Variants in ARMH3 observed in about 807,000 individuals in gnomAD.
ARMH3 encodes armadillo like helical domain containing 3.
Under a neutral mutation model 99.1 loss-of-function variants are expected in ARMH3, and 60 were observed. The observed-to-expected ratio is 0.61, with a 90% CI of 0.49 to 0.75. The LOEUF (loss-of-function observed/expected upper bound fraction) is 0.75, where lower values mean the gene tolerates loss of function less well. ARMH3 is among the 30% of genes least tolerant of loss of function. ARMH3 has a pLI of 0.00. For synonymous variants in ARMH3, 285 were observed against 292.8 expected (o/e 0.97, Z 0.27); for missense variants, 679 against 843.1 (o/e 0.81, Z 2.41).
At chr10:101,853,786 C>CAA (rs1280519481) in intron 24 of ARMH3, among the ~76,000 whole-genome samples, 2 of 152,170 alleles carry the variant, frequency 1.3e-5, no homozygotes, top group Non-Finnish European at 2.9e-5. Context: ...CCTTAGGAGA[C>CAA]AGACACTTGG....
At chr10:101,906,654 T>G (rs142932471) in intron 23 of ARMH3, among the ~76,000 whole-genome samples, 1 of 152,338 alleles carries the variant, frequency 6.6e-6, no homozygotes, top group African/African-American at 2.4e-5. Context: ...AAACAGATGA[T>G]GACACCATTA....
At chr10:102,032,975 C>G (rs1334643855) in intron 4 of ARMH3, 51 bp downstream of exon 4, 1 of 1,597,272 alleles carries the variant, frequency 6.3e-7, no homozygotes, top group African/African-American at 1.3e-5. Context: ...AGATGTGTTA[C>G]AATTCCTTTC....
At chr10:102,023,840 A>G (rs2066941751) in intron 6 of ARMH3, 91 bp from the exon 7 acceptor site, 3 of 1,201,408 alleles carry the variant, frequency 2.5e-6, no homozygotes, top group Admixed American at 3.9e-5. Flanking sequence ...AGAAACAAAA[A>G]TATTAAAATA....
At chr10:101,877,586 G>C (rs931965351) in intron 24 of ARMH3, among the ~76,000 whole-genome samples, 1 of 152,022 alleles carries the variant, frequency 6.6e-6, no homozygotes, top group African/African-American at 2.4e-5. Flanking sequence ...AACCCGGGAG[G>C]TGGAGGTTGC....
intron 24 of ARMH3, among the ~76,000 whole-genome samples, chr10:101,852,782 G>GA (rs1564689314): frequency 6.6e-6 from 1 of 150,778 alleles, no homozygotes; most frequent in Admixed American, 6.6e-5. Flanking sequence ...AAAAAGAAAA[G>GA]AAAAAAATCC....
At chr10:102,022,328 A>G (rs980374872) in intron 8 of ARMH3, among the ~76,000 whole-genome samples, 4 of 150,884 alleles carry the variant, frequency 2.7e-5, no homozygotes, top group Non-Finnish European at 5.9e-5. Context: ...AAAAACAACT[A>G]AAAAATACAA....
intron 22 of ARMH3, 87 bp from the exon 23 acceptor site, chr10:101,940,025 T>C (rs2135715867): frequency 3.9e-6 from 4 of 1,029,174 alleles, no homozygotes; most frequent in Non-Finnish European, 5.8e-6. Context: ...AGAATAGCAC[T>C]CTCAGAATAA....
chr10:102,033,217 C>T (rs1194072470), intron 3 of ARMH3, 45 bp from the exon 4 acceptor site: 17 of 1,613,270 alleles, frequency 1.1e-5, no homozygotes, highest in Admixed American at 6.7e-5. Flanking sequence ...TTTAGCTTAG[C>T]GCCTAGAATA....
At chr10:102,019,292 A>G (rs962211805) in intron 8 of ARMH3, among the ~76,000 whole-genome samples, 1 of 151,646 alleles carries the variant, frequency 6.6e-6, no homozygotes, top group African/African-American at 2.4e-5. Flanking sequence ...CATGTGATCC[A>G]CCCACCTCAG....
At chr10:102,025,833 A>T (rs1487593702) in intron 5 of ARMH3, among the ~76,000 whole-genome samples, 3 of 151,840 alleles carry the variant, frequency 2.0e-5, no homozygotes, top group Non-Finnish European at 1.5e-5. Context: ...CTTTTTCTTT[A>T]TAGAGACAAG....
chr10:102,021,614 C>G (rs2136157688), intron 8 of ARMH3, among the ~76,000 whole-genome samples: 1 of 151,422 alleles, frequency 6.6e-6, no homozygotes, highest in African/African-American at 2.4e-5. Context: ...GTGGTGCAAT[C>G]TCCACTCACT....
chr10:101,939,322 G>A (rs6584463), intron 23 of ARMH3, among the ~76,000 whole-genome samples: 30,390 of 152,100 alleles, frequency 0.2, 3,499 homozygotes, highest in East Asian at 0.56. Context: ...CTGTGCATGG[G>A]TGGTGCCTCC....
At chr10:101,920,781 G>C (rs958046889) in intron 23 of ARMH3, among the ~76,000 whole-genome samples, 4 of 152,136 alleles carry the variant, frequency 2.6e-5, no homozygotes, top group African/African-American at 9.7e-5. Context: ...ACAAAATGTG[G>C]TATATACATA....
In ARMH3 at chr10:101,903,547, G is replaced by A. The variant is rs115345866; in HGVS notation, c.1782-14057C>T. 2.1e-3 allele frequency among the ~76,000 whole-genome samples: 315 copies of A among 152,312 alleles called. 4 individuals are homozygous for A. The highest frequency in any genetic ancestry group is 7.2e-3 in the African/African-American group (300 of 41,566). Reference sequence around the variant, plus strand: ...TAGAAAGGACATTCTGAAGGACAGGGTGCTTGAGCAGAGTCTCAAAATATG... The same window carrying A: ...TAGAAAGGACATTCTGAAGGACAGGATGCTTGAGCAGAGTCTCAAAATATG... On this transcript the variant is annotated intron_variant, in intron 23 of 25. Transcript: ENST00000370033.
At chr10:101,892,717 T>C (rs536027879) in intron 23 of ARMH3, among the ~76,000 whole-genome samples, 23 of 152,252 alleles carry the variant, frequency 1.5e-4, no homozygotes, top group African/African-American at 5.5e-4. Context: ...TCTTAGAGGG[T>C]ACATTTGTAA....
intron 23 of ARMH3, among the ~76,000 whole-genome samples, chr10:101,937,297 C>T (rs11191154): frequency 0.21 from 31,592 of 152,008 alleles, 3,980 homozygotes; most frequent in Non-Finnish European, 0.29. Context: ...GCAGGTGGAT[C>T]ATTTGAGCTC....
chr10:102,011,899 AAAGCATTATGACAATC>A, intron 10 of ARMH3, 116 bp from the exon 11 acceptor site: 2 of 747,474 alleles, frequency 2.7e-6, no homozygotes, highest in Non-Finnish European at 4.4e-6. Flanking sequence ...CCAGAAAACT[AAAGCATTATGACAATC>A]AAGCATCATG....
intron 1 of ARMH3, among the ~76,000 whole-genome samples, chr10:102,055,028 C>CA (rs149001297): frequency 0.24 from 30,740 of 126,604 alleles, 3,527 homozygotes; most frequent in East Asian, 0.54. Context: ...AACAAACAAA[C>CA]AAAAAAAAAA....
At chr10:101,852,874 G>A (rs1010976364) in intron 24 of ARMH3, among the ~76,000 whole-genome samples, 1 of 151,018 alleles carries the variant, frequency 6.6e-6, no homozygotes, top group Non-Finnish European at 1.5e-5. Flanking sequence ...TCCCCCTTCC[G>A]TGGCCCTTTC....
Sources: gnomAD v4.1 joint callset for allele counts (sites outside exome capture counted in the v4.1 genomes callset) on GRCh38, gnomAD v4.1.1 for gene constraint, MANE v1.5 for transcripts, NCBI Gene and HGNC (gene_info 2026-07-23, HGNC 2026-07-21) for gene names.